The following ANKRD44 variants were observed in gnomAD, a reference collection of about 807,000 sequenced individuals.
ANKRD44 encodes the protein serine/threonine-protein phosphatase 6 regulatory ankyrin repeat subunit B.
In ANKRD44, 35 loss-of-function variants were observed where a neutral mutation model predicts 116.0. The observed-to-expected ratio is 0.30, with a 90% CI of 0.23 to 0.40. ANKRD44 has a LOEUF of 0.40. Ranked by LOEUF, ANKRD44 falls within the 10% of genes least tolerant of loss-of-function variation. ANKRD44 has a pLI of 1.00. For missense variants in ANKRD44, 1,014 were observed against 1,242.6 expected, an observed-to-expected ratio of 0.82 and a Z score of 2.77; for synonymous variants, 435 against 461.8, an observed-to-expected ratio of 0.94 and a Z score of 0.74.
At chr2:197,065,985 A>G (rs1436008601) in intron 16 of ANKRD44, among the ~76,000 whole-genome samples, 1 of 152,198 alleles carries the variant, frequency 6.6e-6, no homozygotes, top group Non-Finnish European at 1.5e-5. Context: ...AGACACAACA[A>G]AAAAAGAGAA....
chr2:197,187,694 C>T (rs2080718972), intron 1 of ANKRD44, among the ~76,000 whole-genome samples: 2 of 152,084 alleles, frequency 1.3e-5, no homozygotes, highest in Non-Finnish European at 2.9e-5. Context: ...TCTTCTCCCT[C>T]TCTCTCTTTC....
chr2:197,035,956 C>G (rs1265977234), intron 16 of ANKRD44, among the ~76,000 whole-genome samples: 1 of 152,094 alleles, frequency 6.6e-6, no homozygotes, highest in African/African-American at 2.4e-5. Context: ...CCAGTGGACC[C>G]CCAGTCTTTC....
rs150753714 is a variant in ANKRD44, at chr2:197,263,763, C to T, written c.27+46815G>A. ...CACTGAAGGGCAAATGTCACTATTC[C>T]GGTGTAGCAGAGGCTCCTAGCTGTC... On this transcript the variant is annotated intron_variant, in intron 1 of 27. Transcript: ENST00000282272. Among the ~76,000 whole-genome samples, 309 of 150,462 alleles carry T rather than the reference C, an allele frequency of 2.1e-3. 1 individual carries two copies. Among genetic ancestry groups the T allele is most frequent in the African/African-American group, 7.3e-3 (298 of 40,856 alleles).
At chr2:197,037,352 T>TAG (rs1435201934) in intron 16 of ANKRD44, among the ~76,000 whole-genome samples, 3 of 152,234 alleles carry the variant, frequency 2.0e-5, no homozygotes, top group Non-Finnish European at 4.4e-5. Flanking sequence ...TTTTTATGAC[T>TAG]AGTATAGCTT....
chr2:197,191,972 C>T (rs959018477), intron 1 of ANKRD44, among the ~76,000 whole-genome samples: 1 of 152,122 alleles, frequency 6.6e-6, no homozygotes, highest in Non-Finnish European at 1.5e-5. Flanking sequence ...AAAAAATATG[C>T]TACTGATGTC....
chr2:197,284,354 T>C (rs956927163), intron 1 of ANKRD44, among the ~76,000 whole-genome samples: 1 of 152,080 alleles, frequency 6.6e-6, no homozygotes, highest in African/African-American at 2.4e-5. Context: ...TGCCTCACCA[T>C]GAAAATCAAA....
At chr2:197,253,756 C>T (rs941458551) in intron 1 of ANKRD44, among the ~76,000 whole-genome samples, 2 of 152,168 alleles carry the variant, frequency 1.3e-5, no homozygotes, top group Non-Finnish European at 2.9e-5. Context: ...TTAGTTTTGT[C>T]TTCTTTCTGT....
intron 2 of ANKRD44, among the ~76,000 whole-genome samples, chr2:197,182,283 C>A (rs1333210209): frequency 6.6e-6 from 1 of 152,162 alleles, no homozygotes; most frequent in Non-Finnish European, 1.5e-5. Flanking sequence ...CCCTGGTATG[C>A]CATTAACCAC....
intron 12 of ANKRD44, among the ~76,000 whole-genome samples, chr2:197,087,327 C>T (rs2077948807): frequency 6.6e-6 from 1 of 152,182 alleles, no homozygotes; most frequent in Non-Finnish European, 1.5e-5. Context: ...TCTTCCATAG[C>T]TTCTTTATCA....
chr2:197,086,023 G>A (rs2077914189), intron 13 of ANKRD44, among the ~76,000 whole-genome samples: 1 of 151,998 alleles, frequency 6.6e-6, no homozygotes. Context: ...GCACAAGGAG[G>A]TGTCACTGAC....
chr2:197,083,576 A>G, intron 13 of ANKRD44, 67 bp from the exon 14 acceptor site: 5 of 1,546,662 alleles, frequency 3.2e-6, no homozygotes. Flanking sequence ...TGGCACTAGC[A>G]CTGGCAGCAG....
chr2:197,144,208 T>G (rs1300069175), intron 3 of ANKRD44, among the ~76,000 whole-genome samples: 1 of 152,230 alleles, frequency 6.6e-6, no homozygotes, highest in Non-Finnish European at 1.5e-5. Flanking sequence ...TCCACCTGGC[T>G]AACAGGAGAT....
intron 1 of ANKRD44, among the ~76,000 whole-genome samples, chr2:197,288,019 CAAAAAAA>C (rs10666895): frequency 2.4e-5 from 2 of 81,802 alleles, no homozygotes; most frequent in Non-Finnish European, 4.6e-5. Context: ...GACTCAGTCT[CAAAAAAA>C]AAAAAAAAAA....
chr2:197,209,753 A>G (rs2081285659), intron 1 of ANKRD44, among the ~76,000 whole-genome samples: 1 of 152,254 alleles, frequency 6.6e-6, no homozygotes, highest in Non-Finnish European at 1.5e-5. Flanking sequence ...GGAAATTGTC[A>G]TGAAAAGCTA....
chr2:197,134,932 A>G (rs2079182779), intron 4 of ANKRD44: 1 of 152,162 alleles, frequency 6.6e-6, no homozygotes, highest in Non-Finnish European at 1.5e-5. Context: ...CAGTCAGCTC[A>G]CTGCCCTCGT....
chr2:197,281,435 C>T (rs2083261333), intron 1 of ANKRD44, among the ~76,000 whole-genome samples: 1 of 152,002 alleles, frequency 6.6e-6, no homozygotes, highest in South Asian at 2.1e-4. Flanking sequence ...AGTTGTCCAA[C>T]TCTCTGTCCA....
chr2:197,308,810 G>C (rs2105935207), intron 1 of ANKRD44, among the ~76,000 whole-genome samples: 1 of 152,318 alleles, frequency 6.6e-6, no homozygotes, highest in South Asian at 2.1e-4. Context: ...TCTAGGAAGA[G>C]ATGTTTTCTT....
intron 8 of ANKRD44, among the ~76,000 whole-genome samples, chr2:197,112,059 G>A (rs188743004): frequency 7.9e-4 from 120 of 152,198 alleles, no homozygotes; most frequent in African/African-American, 2.5e-3. Context: ...ATGTAACTAA[G>A]AAATAGTAAT....
chr2:197,029,028 G>A (rs935824960), intron 16 of ANKRD44: 3 of 155,586 alleles, frequency 1.9e-5, no homozygotes, highest in Admixed American at 6.6e-5. Flanking sequence ...TGTGCACAAC[G>A]TGCAGGTTTC....
Sources: allele counts gnomAD v4.1 joint callset (sites outside exome capture counted in the v4.1 genomes callset), GRCh38; gene constraint gnomAD v4.1.1; transcripts MANE v1.5; gene names NCBI Gene and HGNC (gene_info 2026-07-23, HGNC 2026-07-21).